Variants in ROCK2 observed in about 807,000 individuals in gnomAD.
The protein encoded by ROCK2 is rho-associated protein kinase 2.
In ROCK2, 61 loss-of-function variants were observed where a neutral mutation model predicts 195.1. The observed-to-expected ratio is 0.31, with a 90% CI of 0.25 to 0.39. ROCK2 has a LOEUF of 0.39. ROCK2 is among the 10% of genes least tolerant of loss of function. ROCK2 has a pLI of 1.00. For synonymous variants in ROCK2, 504 were observed against 545.5 expected (o/e 0.92, Z 1.06); for missense variants, 1,109 against 1,637.4 (o/e 0.68, Z 5.57).
chr2:11,300,040 T>G (rs926549991), intron 1 of ROCK2, among the ~76,000 whole-genome samples: 3 of 152,196 alleles, frequency 2.0e-5, no homozygotes, highest in South Asian at 4.1e-4. Flanking sequence ...GGGGTCTATT[T>G]CATATTTTGG....
intron 5 of ROCK2, 29 bp from the exon 6 acceptor site, chr2:11,227,427 A>T: frequency 6.3e-7 from 1 of 1,592,936 alleles, no homozygotes. Context: ...TAAAGAAAAA[A>T]CAGTTCAGTG....
rs190066748 is a variant in ROCK2, at chr2:11,248,640, C to T, written c.462+1021G>A. Among the ~76,000 whole-genome samples the T allele has an allele frequency of 1.6e-3, 215 of 133,316 alleles. 1 individual carries two copies. Among genetic ancestry groups the T allele is most frequent in the African/African-American group, 6.1e-3 (209 of 34,160 alleles). The allele number at this position is 133,316 out of a possible 152,430, so 87.5% of individuals were successfully genotyped here. On this transcript the variant is annotated intron_variant, in intron 4 of 32. Transcript: ENST00000315872. ...AGGAGAACCGCTTGAACCCGGGAAGCAGAGGATGGAATGAACAGAGATTCC... is the reference window on the plus strand; with the variant it reads ...AGGAGAACCGCTTGAACCCGGGAAGTAGAGGATGGAATGAACAGAGATTCC...
chr2:11,251,360 C>T (rs1264978239), intron 3 of ROCK2, among the ~76,000 whole-genome samples: 1 of 152,232 alleles, frequency 6.6e-6, no homozygotes, highest in Non-Finnish European at 1.5e-5. Context: ...AAGTACTTGG[C>T]ATGTGCCAGG....
Position 11,228,529 on chromosome 2 carries a change from T to C in ROCK2, c.724-1131A>G, listed in dbSNP as rs538480006. 2.9e-3 allele frequency among the ~76,000 whole-genome samples: 435 copies of C among 152,248 alleles called. 5 individuals are homozygous for C. Among genetic ancestry groups the C allele is most frequent in the Non-Finnish European group, 4.0e-3 (269 of 67,980 alleles). ...TGAGCAAACCATGGGAGTAACACTT[T>C]GTGTGGATTATTACAAAGGACAAAT... On this transcript the variant is annotated intron_variant, in intron 5 of 32. Coordinates refer to ENST00000315872, the MANE Select transcript of ROCK2 (RefSeq NM_004850.5).
At chr2:11,295,986 GAGAGGA>G (rs1289428579) in intron 1 of ROCK2, among the ~76,000 whole-genome samples, 7 of 50,754 alleles carry the variant, frequency 1.4e-4, no homozygotes, top group African/African-American at 3.6e-4. Flanking sequence ...GAGAGAGAGA[GAGAGGA>G]GAGAGAGAGA....
chr2:11,234,883 T>C (rs928137397), intron 5 of ROCK2, among the ~76,000 whole-genome samples: 2 of 152,096 alleles, frequency 1.3e-5, no homozygotes, highest in African/African-American at 2.4e-5. Flanking sequence ...GAGAGAAAAT[T>C]ACCTTAACTC....
rs180982280 is a variant in ROCK2, at chr2:11,293,259, G to C, written c.142-5523C>G. On this transcript the variant is annotated intron_variant, in intron 1 of 32. Transcript: ENST00000315872. ...CTAAGTCAACTTAATTGAGGACTGA[G>C]AATTTAGCAACTCAGAGGTTAGCAG... Among the ~76,000 whole-genome samples, 3 of 152,270 alleles carry C rather than the reference G, an allele frequency of 2.0e-5. No individual in the cohort carries two copies. In the East Asian group the frequency reaches 5.8e-4, roughly 29 times the overall value.
At chr2:11,300,500 G>A (rs148324618) in intron 1 of ROCK2, among the ~76,000 whole-genome samples, 6,466 of 152,246 alleles carry the variant, frequency 0.042, 278 homozygotes, top group Non-Finnish European at 0.06. Flanking sequence ...CAGACCTCAG[G>A]TGATCCACCT....
Position 11,222,085 on chromosome 2 carries a change from T to C in ROCK2, c.1097A>G (p.Glu366Gly). 6.3e-7 allele frequency: 1 copy of C among 1,576,370 alleles called. No homozygotes were observed. The highest frequency in any genetic ancestry group is 1.1e-5 in the South Asian group (1 of 89,776). Residue 366 changes from glutamate (E) to glycine (G), a missense_variant and splice_region_variant, in exon 8 of 33, where the codon GAA becomes GGA. By Grantham distance (98) the Glu-to-Gly change is moderately conservative. Around this residue, in one of 6 missense-constraint regions of ROCK2, gnomAD observed 253 missense variants for 455.5 expected, o/e 0.56. Transcript: ENST00000315872. ...NDQWHWDNIR[E>G]TAAPVVPELS... is the part of the protein sequence containing the mutation. ...AATATTTAGGTTTATTGACTTACTT[T>C]CTCTTATGTTATCCCAATGCCACTG... is the stretch of plus-strand genomic sequence containing the variant.
intron 4 of ROCK2, among the ~76,000 whole-genome samples, chr2:11,247,199 G>A (rs188506650): frequency 5.5e-4 from 84 of 152,160 alleles, no homozygotes; most frequent in Non-Finnish European, 1.1e-3. Context: ...GGCAGGGGCA[G>A]GGGGGCAGGT....
At chr2:11,254,934 G>C (rs1049880896) in intron 3 of ROCK2, among the ~76,000 whole-genome samples, 1 of 151,374 alleles carries the variant, frequency 6.6e-6, no homozygotes, top group African/African-American at 2.4e-5. Flanking sequence ...AAAGAACTTG[G>C]GGGCCGGGCG....
At chr2:11,259,841 G>C (rs1666163047) in intron 3 of ROCK2, among the ~76,000 whole-genome samples, 1 of 151,322 alleles carries the variant, frequency 6.6e-6, no homozygotes, top group African/African-American at 2.5e-5. Context: ...AGCCAAGTAA[G>C]TAATGACAAG....
upstream of ROCK2, among the ~76,000 whole-genome samples, chr2:11,344,990 C>T (rs1322361673): frequency 1.3e-5 from 2 of 150,778 alleles, no homozygotes. This position sits in a 1 kb window ranked among gnomAD's most constrained non-coding sequence, Gnocchi z 5.4. Context: ...CCCCAGACGC[C>T]GGGCCCAGCG....
intron 1 of ROCK2, among the ~76,000 whole-genome samples, chr2:11,330,746 AGGG>A (rs1668697318): frequency 6.8e-5 from 3 of 44,358 alleles, no homozygotes; most frequent in Non-Finnish European, 1.1e-4. Flanking sequence ...AGGAGGGAGG[AGGG>A]AGGAGGAGGA....
chr2:11,299,529 C>G (rs1015704735), intron 1 of ROCK2, among the ~76,000 whole-genome samples: 28 of 151,890 alleles, frequency 1.8e-4, no homozygotes, highest in Admixed American at 3.3e-4. Flanking sequence ...TCATTCAATT[C>G]TCGTAAAAGT....
intron 3 of ROCK2, among the ~76,000 whole-genome samples, chr2:11,273,859 G>A (rs1274378237): frequency 6.6e-6 from 1 of 151,310 alleles, no homozygotes; most frequent in African/African-American, 2.4e-5. Flanking sequence ...AACCCGGGAG[G>A]TGGAGCTGGC....
chr2:11,311,999 G>A (rs1369249465), intron 1 of ROCK2, among the ~76,000 whole-genome samples: 1 of 152,060 alleles, frequency 6.6e-6, no homozygotes, highest in Non-Finnish European at 1.5e-5. Flanking sequence ...TATCACAACT[G>A]ATGACATGAA....
At chr2:11,252,369 C>T (rs901968253) in intron 3 of ROCK2, among the ~76,000 whole-genome samples, 1 of 151,328 alleles carries the variant, frequency 6.6e-6, no homozygotes, top group African/African-American at 2.4e-5. Flanking sequence ...CAAGATCACG[C>T]CATTGCACTC....
rs1299780589 is a variant in ROCK2 at position 11,180,887 on chromosome 2, ATTT to A, written c.*2547_*2549del. 1 of 152,146 alleles carries A rather than the reference ATTT, an allele frequency of 6.6e-6. No individual in the cohort carries two copies. The highest frequency in any genetic ancestry group is 2.4e-5 in the African/African-American group (1 of 41,422). The allele number at this position is 152,146 out of a possible 1,614,324, so 9.4% of individuals were successfully genotyped here. On this transcript the variant is annotated 3_prime_UTR_variant, in exon 33 of 33. Transcript: ENST00000315872. ...AAGCGAATTCTTACCCAAGGTCAGA[ATTT>A]TTTATTAAGCGCATTTTCATTAGTT...
Sources: allele counts gnomAD v4.1 joint callset (sites outside exome capture counted in the v4.1 genomes callset), GRCh38; gene constraint gnomAD v4.1.1; regional missense constraint gnomAD v4.1.1; non-coding constraint Gnocchi (gnomAD v3.1); transcripts MANE v1.5; gene names NCBI Gene and HGNC (gene_info 2026-07-23, HGNC 2026-07-21).